The following LRBA variants were observed in gnomAD, a reference collection of about 807,000 sequenced individuals.
The protein encoded by LRBA is LPS responsive beige-like anchor protein.
A neutral mutation model predicts 330.0 loss-of-function variants in LRBA; 176 were observed. The ratio of observed to expected loss-of-function variants is 0.53; its 90% confidence interval spans 0.47 to 0.60. The LOEUF is 0.60. LRBA is among the 20% of genes least tolerant of loss of function. LRBA has a pLI of 0.00. For missense variants in LRBA, 3,259 were observed against 3,444.8 expected (o/e 0.95, Z 1.35); for synonymous variants, 1,230 against 1,193.0 (o/e 1.03, Z -0.64).
At chr4:150,391,027 A>C (rs1218803800) in intron 47 of LRBA, among the ~76,000 whole-genome samples, 2 of 152,164 alleles carry the variant, frequency 1.3e-5, no homozygotes, top group African/African-American at 4.8e-5. Flanking sequence ...CGCACTTCCC[A>C]AACTCCCATA....
chr4:150,768,343 T>C (rs1736066615), intron 34 of LRBA, among the ~76,000 whole-genome samples: 1 of 152,072 alleles, frequency 6.6e-6, no homozygotes, highest in Non-Finnish European at 1.5e-5. Context: ...TTGAAGGCAC[T>C]GAGTACATAC....
intron 36 of LRBA, among the ~76,000 whole-genome samples, chr4:150,701,863 G>A (rs1349225026): frequency 2.0e-5 from 3 of 152,146 alleles, no homozygotes; most frequent in Non-Finnish European, 4.4e-5. Flanking sequence ...ATCAAGGGAG[G>A]AATGTGGGAA....
Position 150,620,408 on chromosome 4 carries a change from A to G in LRBA, c.5922-21277T>C, listed in dbSNP as rs566064231. On this transcript the variant is annotated intron_variant, in intron 37 of 56. Coordinates refer to ENST00000651943, the MANE Select transcript of LRBA (RefSeq NM_001364905.1). ...GGAAAACTGTTTGGAAATTTCTTAA[A>G]GAATTAAAAGTAGGTCTACCATTCA... 1.9e-3 allele frequency among the ~76,000 whole-genome samples: 293 copies of G among 152,296 alleles called. 1 individual carries two copies. Among genetic ancestry groups the G allele is most frequent in the African/African-American group, 6.8e-3 (282 of 41,572 alleles).
intron 26 of LRBA, among the ~76,000 whole-genome samples, chr4:150,848,078 G>A (rs1431708257): frequency 6.6e-6 from 1 of 151,844 alleles, no homozygotes; most frequent in Non-Finnish European, 1.5e-5. Flanking sequence ...GCAGTGGTGT[G>A]ATCTTGGCTC....
chr4:150,335,440 T>TAC (rs1430947568), intron 48 of LRBA, among the ~76,000 whole-genome samples: 4 of 148,830 alleles, frequency 2.7e-5, no homozygotes, highest in Non-Finnish European at 4.5e-5. Context: ...CATATATATA[T>TAC]ACACGTATAT....
At chr4:150,400,898 G>A (rs1745372585) in intron 47 of LRBA, among the ~76,000 whole-genome samples, 1 of 152,164 alleles carries the variant, frequency 6.6e-6, no homozygotes. Flanking sequence ...GTAGTTGAGT[G>A]AGTGTTATGG....
At chr4:150,797,165 C>G (rs1375517187) in intron 34 of LRBA, among the ~76,000 whole-genome samples, 1 of 151,676 alleles carries the variant, frequency 6.6e-6, no homozygotes, top group Admixed American at 6.6e-5. Context: ...ATGAAATGTC[C>G]ATCAGCACAG....
chr4:150,405,423 C>A (rs930356910), intron 47 of LRBA, among the ~76,000 whole-genome samples: 1 of 152,104 alleles, frequency 6.6e-6, no homozygotes, highest in South Asian at 2.1e-4. Context: ...AAAGTGTAAA[C>A]CCCAATTCTA....
Position 150,325,839 on chromosome 4 carries a change from G to C in LRBA, c.7422C>G (p.Pro2474=). 6.2e-7 allele frequency: 1 copy of C among 1,613,556 alleles called. No homozygotes were observed. Among genetic ancestry groups the C allele is most frequent in the South Asian group, 1.1e-5 (1 of 91,016 alleles). Residue 2474 remains proline, a synonymous_variant, in exon 49 of 57, where the codon CCC becomes CCG. Coordinates refer to ENST00000651943, the MANE Select transcript of LRBA (RefSeq NM_001364905.1). ...GQTPSQLLIE[P]HPPRGSAMQV... is the part of the protein sequence containing the mutation. ...GCATGGCAGAACCTCTGGGAGGATGGGGCTCTATGAGTAGTTGAGAAGGAG... is the reference window on the plus strand; with the variant it reads ...GCATGGCAGAACCTCTGGGAGGATGCGGCTCTATGAGTAGTTGAGAAGGAG...
intron 44 of LRBA, among the ~76,000 whole-genome samples, chr4:150,462,414 T>C (rs1754888983): frequency 6.6e-6 from 1 of 151,808 alleles, no homozygotes; most frequent in African/African-American, 2.4e-5. Flanking sequence ...GTACTTATGA[T>C]ACTAATTTGG....
At chr4:150,552,617 T>C (rs1766748135) in intron 40 of LRBA, among the ~76,000 whole-genome samples, 1 of 152,122 alleles carries the variant, frequency 6.6e-6, no homozygotes, top group African/African-American at 2.4e-5. Context: ...GAACTAGAAA[T>C]ACCATTTGAC....
chr4:150,951,075 G>A (rs915455282), intron 2 of LRBA, among the ~76,000 whole-genome samples: 2 of 152,164 alleles, frequency 1.3e-5, no homozygotes, highest in Non-Finnish European at 2.9e-5. Context: ...ACCATAAATG[G>A]AAGAAGAATA....
At chr4:150,793,211 A>C (rs2126650830) in intron 34 of LRBA, among the ~76,000 whole-genome samples, 1 of 152,226 alleles carries the variant, frequency 6.6e-6, no homozygotes, top group East Asian at 1.9e-4. Flanking sequence ...AGGCTGAAGC[A>C]GGAGGATCAC....
At chr4:150,832,973 G>A (rs1164015411) in intron 28 of LRBA, among the ~76,000 whole-genome samples, 5 of 151,976 alleles carry the variant, frequency 3.3e-5, no homozygotes, top group African/African-American at 1.2e-4. Context: ...ACAGGGTCTT[G>A]TTATGTAGCT....
chr4:150,690,452 G>A (rs1355885921), intron 36 of LRBA, among the ~76,000 whole-genome samples: 3 of 149,822 alleles, frequency 2.0e-5, no homozygotes, highest in Admixed American at 1.3e-4. Flanking sequence ...GCAGTGAGCC[G>A]AGATCACGCC....
chr4:150,431,495 C>A (rs552729308), intron 46 of LRBA, among the ~76,000 whole-genome samples: 2 of 152,108 alleles, frequency 1.3e-5, no homozygotes, highest in African/African-American at 4.8e-5. Context: ...TGTGGCTAGT[C>A]TCAACACAGA....
At chr4:150,440,609 CTA>C (rs1751692946) in intron 44 of LRBA, among the ~76,000 whole-genome samples, 1 of 151,962 alleles carries the variant, frequency 6.6e-6, no homozygotes. Context: ...GATCCTGTCT[CTA>C]TAAAAATCAG....
intron 2 of LRBA, among the ~76,000 whole-genome samples, chr4:150,968,002 C>CTTTTTTTT (rs35023986): frequency 7.9e-6 from 1 of 126,082 alleles, no homozygotes; most frequent in Non-Finnish European, 1.7e-5. Context: ...ATTTGCACAT[C>CTTTTTTTT]TTTTTTTTTT....
At chr4:150,719,698 T>C (rs1474503804) in intron 36 of LRBA, among the ~76,000 whole-genome samples, 1 of 152,080 alleles carries the variant, frequency 6.6e-6, no homozygotes, top group Non-Finnish European at 1.5e-5. Flanking sequence ...GATAATTTTC[T>C]TAACGCCTTC....
Sources: gnomAD v4.1 joint callset for allele counts (sites outside exome capture counted in the v4.1 genomes callset) on GRCh38, gnomAD v4.1.1 for gene constraint, MANE v1.5 for transcripts, NCBI Gene and HGNC (gene_info 2026-07-23, HGNC 2026-07-21) for gene names.